LNX2: variants seen among roughly 807,000 people sequenced by gnomAD.
The protein encoded by LNX2 is ligand of Numb protein X 2.
Under a neutral mutation model 66.2 loss-of-function variants are expected in LNX2, and 35 were observed. The ratio of observed to expected loss-of-function variants is 0.53; its 90% CI spans 0.40 to 0.70. LNX2 has a LOEUF of 0.70. Among genes scored for constraint, LNX2 ranks in the 30% least tolerant of loss-of-function variants. The pLI is 0.00. For missense variants in LNX2, 791 were observed against 850.8 expected (o/e 0.93, Z 0.87); for synonymous variants, 337 against 315.6 (o/e 1.07, Z -0.72).
chr13:27,590,377 C>T (rs967145723), intron 1 of LNX2, among the ~76,000 whole-genome samples: 1 of 152,058 alleles, frequency 6.6e-6, no homozygotes, highest in Non-Finnish European at 1.5e-5. Flanking sequence ...TGCCACCATG[C>T]GTGGCTAATT....
intron 8 of LNX2, among the ~76,000 whole-genome samples, chr13:27,552,889 A>G (rs1473383516): frequency 6.6e-6 from 1 of 152,242 alleles, no homozygotes; most frequent in South Asian, 2.1e-4. Context: ...TGAAAAATGC[A>G]TGAAGTCTCA....
At chr13:27,620,538 G>C (rs925095954), upstream of LNX2, 4 of 172,994 alleles carry the variant, frequency 2.3e-5, no homozygotes, top group African/African-American at 9.6e-5. Flanking sequence ...CTGGCAAAAA[G>C]CAAACTCCGG....
At position 27,567,843 on chromosome 13, in the gene LNX2, C is replaced by T. The variant is rs373041238; in HGVS notation, c.656-4G>A. ...AAACTAAGTGGCTGTTGTGTGGCTGCCAAGTTAAAAATGAGACAGACAAAA... is the reference window on the plus strand; with the variant it reads ...AAACTAAGTGGCTGTTGTGTGGCTGTCAAGTTAAAAATGAGACAGACAAAA... On this transcript the variant is annotated splice_region_variant and splice_polypyrimidine_tract_variant and intron_variant, in intron 3 of 9. Transcript: ENST00000316334. 3.4e-5 allele frequency: 55 copies of T among 1,612,962 alleles called. No individual in the cohort carries two copies. The highest frequency in any genetic ancestry group is 4.0e-5 in the Non-Finnish European group (47 of 1,179,380).
chr13:27,611,079 A>G (rs1186800407), intron 1 of LNX2, among the ~76,000 whole-genome samples: 2 of 152,266 alleles, frequency 1.3e-5, no homozygotes, highest in South Asian at 2.1e-4. Flanking sequence ...TTCGACTACC[A>G]TATGATCTAA....
chr13:27,583,062 GA>G (rs960597143), intron 1 of LNX2, among the ~76,000 whole-genome samples: 3 of 151,628 alleles, frequency 2.0e-5, no homozygotes, highest in African/African-American at 4.8e-5. Flanking sequence ...TCCACTAAAA[GA>G]AAAAAACCTG....
intron 1 of LNX2, among the ~76,000 whole-genome samples, chr13:27,610,962 GT>G (rs1388400253): frequency 4.6e-5 from 7 of 151,774 alleles, no homozygotes; most frequent in Admixed American, 4.6e-4. Context: ...ACAAGTGTTG[GT>G]GAGAACATAG....
intron 2 of LNX2, among the ~76,000 whole-genome samples, chr13:27,570,580 T>C (rs1955267049): frequency 1.3e-5 from 2 of 152,342 alleles, no homozygotes; most frequent in East Asian, 3.9e-4. Context: ...CTCCAGGGAA[T>C]GCTCTCGCAA....
intron 1 of LNX2, among the ~76,000 whole-genome samples, chr13:27,598,189 G>C (rs184212751): frequency 2.1e-3 from 291 of 137,132 alleles, no homozygotes; most frequent in Non-Finnish European, 2.5e-3. Context: ...AGTGGGTAAG[G>C]GTCTCAGCAC....
chr13:27,578,154 T>A (rs756361047), intron 2 of LNX2, among the ~76,000 whole-genome samples: 1 of 152,220 alleles, frequency 6.6e-6, no homozygotes, highest in Non-Finnish European at 1.5e-5. Flanking sequence ...CAGGATTTCA[T>A]TCAAATAGGA....
intron 1 of LNX2, among the ~76,000 whole-genome samples, chr13:27,609,368 C>G (rs1955750912): frequency 1.3e-5 from 2 of 151,964 alleles, no homozygotes; most frequent in African/African-American, 4.8e-5. Flanking sequence ...GTTGGCCAGG[C>G]TGGTCTCGAA....
chr13:27,604,582 G>A (rs1305598064), intron 1 of LNX2, among the ~76,000 whole-genome samples: 2 of 152,140 alleles, frequency 1.3e-5, no homozygotes, highest in African/African-American at 4.8e-5. Context: ...ATATATGGTA[G>A]AAGAGATTAC....
chr13:27,552,429 T>C (rs144685948), intron 8 of LNX2, among the ~76,000 whole-genome samples: 340 of 152,366 alleles, frequency 2.2e-3, no homozygotes, highest in African/African-American at 7.7e-3. Context: ...AAATAGCAAA[T>C]TCTTATTGTT....
chr13:27,547,462 CTT>C lies in LNX2; in HGVS notation c.*871_*872del, dbSNP rs1954953896. The C allele has an allele frequency of 6.6e-6, 1 of 152,140 alleles. No individual in the cohort carries two copies. The highest frequency in any genetic ancestry group is 2.1e-4 in the South Asian group (1 of 4,830). 9.4% of individuals were successfully genotyped at this position (152,140 alleles called of 1,614,324 possible). A position where few individuals can be genotyped will look rare whatever the true frequency, so the allele number is the denominator to read the frequency against. ...AAGAAATTTCTTTAGTGTTGTCAGA[CTT>C]ATTTCTTCATCTTCTATGAATATTG... is the stretch of plus-strand genomic sequence containing the variant. On this transcript the variant is annotated 3_prime_UTR_variant, in exon 10 of 10. Coordinates refer to ENST00000316334, the MANE Select transcript of LNX2 (RefSeq NM_153371.4).
At chr13:27,595,331 G>A (rs974487008) in intron 1 of LNX2, among the ~76,000 whole-genome samples, 10 of 152,252 alleles carry the variant, frequency 6.6e-5, no homozygotes, top group African/African-American at 2.4e-4. Context: ...GCAGTGGTTT[G>A]CAATCACTTG....
intron 1 of LNX2, among the ~76,000 whole-genome samples, chr13:27,593,774 T>A (rs929937703): frequency 3.4e-5 from 5 of 148,846 alleles, no homozygotes; most frequent in African/African-American, 9.9e-5. Flanking sequence ...TTTTTTTTTT[T>A]AAGTAGGGAC....
chr13:27,593,183 G>A (rs1341131264), intron 1 of LNX2, among the ~76,000 whole-genome samples: 1 of 152,014 alleles, frequency 6.6e-6, no homozygotes, highest in Non-Finnish European at 1.5e-5. Flanking sequence ...CTTTCTAAAA[G>A]CTAGTTTCTC....
At chr13:27,583,249 T>TGCGCGCGCGCGCGC (rs1566124848) in intron 1 of LNX2, among the ~76,000 whole-genome samples, 1 of 46,764 alleles carries the variant, frequency 2.1e-5, no homozygotes, top group Non-Finnish European at 3.7e-5. Context: ...TGTGTGTGTG[T>TGCGCGCGCGCGCGC]GTGTGTGCGC....
intron 2 of LNX2, among the ~76,000 whole-genome samples, chr13:27,576,202 A>C (rs1339227650): frequency 2.0e-5 from 3 of 152,222 alleles, no homozygotes; most frequent in Admixed American, 1.3e-4. Flanking sequence ...AAAAATGACA[A>C]AGAGAGAAAT....
At chr13:27,557,489 TAC>T (rs1459713161) in intron 6 of LNX2, among the ~76,000 whole-genome samples, 1 of 152,130 alleles carries the variant, frequency 6.6e-6, no homozygotes, top group African/African-American at 2.4e-5. Context: ...CCATTAAGTG[TAC>T]AGTGTAAGAT....
Sources: gnomAD v4.1 joint callset for allele counts (sites outside exome capture counted in the v4.1 genomes callset) on GRCh38, gnomAD v4.1.1 for gene constraint, MANE v1.5 for transcripts, NCBI Gene and HGNC (gene_info 2026-07-23, HGNC 2026-07-21) for gene names.